NAIP: variants seen among roughly 807,000 people sequenced by gnomAD.
NAIP encodes the protein baculoviral IAP repeat-containing protein 1.
NAIP carries 15 observed loss-of-function variants against 23.0 expected under a neutral mutation model. The ratio of observed to expected loss-of-function variants is 0.65; its 90% CI spans 0.44 to 1.00. The LOEUF is 1.00. NAIP is among the 50% of genes least tolerant of loss of function. NAIP has a pLI of 0.00. For synonymous variants in NAIP, 100 were observed against 100.2 expected, an observed-to-expected ratio of 1.00 and a Z score of 0.01; for missense variants, 265 against 278.8, an observed-to-expected ratio of 0.95 and a Z score of 0.35.
At chr5:71,015,289 G>A (rs1247168436) in intron 3 of NAIP, among the ~76,000 whole-genome samples, 1 of 150,864 alleles carries the variant, frequency 6.6e-6, no homozygotes, top group Non-Finnish European at 1.5e-5. Context: ...AGAGGCAGAA[G>A]GATCACTTGA....
intron 3 of NAIP, among the ~76,000 whole-genome samples, chr5:71,013,370 G>A (rs1751261924): frequency 6.6e-6 from 1 of 151,090 alleles, no homozygotes. Context: ...CGGGCGCGGT[G>A]GCTCACGCCT....
chr5:71,009,299 T>C (rs1286399592), intron 5 of NAIP, among the ~76,000 whole-genome samples: 1 of 135,322 alleles, frequency 7.4e-6, no homozygotes, highest in East Asian at 2.2e-4. Context: ...TGCAGTGAGC[T>C]GAGATTGCAC....
chr5:70,997,114 G>A (rs1750715832), intron 9 of NAIP, among the ~76,000 whole-genome samples: 1 of 35,046 alleles, frequency 2.9e-5, no homozygotes, highest in Non-Finnish European at 8.5e-5. Context: ...AATGGTGCAA[G>A]CACTGTGGAA....
intron 3 of NAIP, among the ~76,000 whole-genome samples, chr5:71,013,571 T>C (rs1219706484): frequency 3.6e-5 from 5 of 138,718 alleles, no homozygotes; most frequent in Admixed American, 7.8e-5. Flanking sequence ...ACCCAGGAGG[T>C]GGAGCTTGCA....
intron 12 of NAIP, among the ~76,000 whole-genome samples, chr5:70,981,005 AT>A (rs1750532942): frequency 8.2e-6 from 1 of 121,946 alleles, no homozygotes; most frequent in African/African-American, 4.4e-5. Context: ...AACAACAACA[AT>A]TTTTAAATGA....
In NAIP at chr5:71,015,125, C is replaced by T. The variant is rs572614415; in HGVS notation, c.-3-2207G>A. Among the ~76,000 whole-genome samples, 10 of 151,602 alleles carry T rather than the reference C, an allele frequency of 6.6e-5. 1 individual carries two copies. The South Asian group carries it at 2.1e-3, about 32-fold the overall frequency. ...AGTGTGGAGGCTCACACCTGTAATC[C>T]CAGCATTTTGGGAGGCCAAGGTGGG... On this transcript the variant is annotated intron_variant, in intron 3 of 16. Coordinates refer to ENST00000517649, the MANE Select transcript of NAIP (RefSeq NM_004536.3).
intron 6 of NAIP, chr5:71,002,936 C>T (rs1271102909): frequency 6.5e-4 from 23 of 35,356 alleles, no homozygotes; most frequent in South Asian, 9.6e-4. Context: ...AGAATTATTC[C>T]TTTAATTTTT....
At chr5:71,013,804 G>T (rs1042928108) in intron 3 of NAIP, among the ~76,000 whole-genome samples, 1 of 151,362 alleles carries the variant, frequency 6.6e-6, no homozygotes, top group Non-Finnish European at 1.5e-5. Context: ...GCGTGAGTCG[G>T]TTGCTGACAT....
At chr5:71,010,065 C>T (rs1042791692) in intron 5 of NAIP, among the ~76,000 whole-genome samples, 10 of 151,506 alleles carry the variant, frequency 6.6e-5, no homozygotes, top group Admixed American at 5.9e-4. Flanking sequence ...TTTTACCTTC[C>T]AGCATACACC....
intron 9 of NAIP, among the ~76,000 whole-genome samples, chr5:70,989,399 AG>A (rs1483703074): frequency 1.5e-5 from 2 of 134,198 alleles, no homozygotes; most frequent in Non-Finnish European, 3.0e-5. Flanking sequence ...ATTAGCTAGC[AG>A]GGTGGCATGC....
intron 9 of NAIP, among the ~76,000 whole-genome samples, chr5:70,989,832 T>A: frequency 4.6e-5 from 1 of 21,638 alleles, no homozygotes; most frequent in Non-Finnish European, 7.1e-5. Flanking sequence ...TTTTTTTTTT[T>A]TTTTTTTTTT....
At chr5:71,012,182 C>A (rs1561517448) in intron 4 of NAIP, among the ~76,000 whole-genome samples, 166 bp downstream of exon 4, 1 of 151,436 alleles carries the variant, frequency 6.6e-6, no homozygotes, top group Non-Finnish European at 1.5e-5. Context: ...GAAAATGAAG[C>A]AAAAATAAAA....
At chr5:71,016,611 GAAC>G (rs1580942535) in intron 3 of NAIP, among the ~76,000 whole-genome samples, 1 of 143,322 alleles carries the variant, frequency 7.0e-6, no homozygotes, top group South Asian at 2.2e-4. Flanking sequence ...AAAATAAAAA[GAAC>G]AACAAAAAAA....
chr5:70,978,132 T>C (rs1483777246), intron 13 of NAIP, among the ~76,000 whole-genome samples: 3,988 of 36,544 alleles, frequency 0.11, 21 homozygotes, highest in African/African-American at 0.27. Context: ...CACACACACA[T>C]ATATATATAT....
intron 3 of NAIP, among the ~76,000 whole-genome samples, chr5:71,017,495 G>C (rs1220494544): frequency 8.6e-6 from 1 of 116,684 alleles, no homozygotes; most frequent in East Asian, 2.1e-4. Context: ...CCAGCACTTT[G>C]GGAGGCTAAG....
intron 5 of NAIP, among the ~76,000 whole-genome samples, chr5:71,007,651 T>TA (rs1442235100): frequency 6.7e-6 from 1 of 148,900 alleles, no homozygotes; most frequent in Non-Finnish European, 1.5e-5. Context: ...ACACTGCACT[T>TA]ATTGTGCATA....
chr5:71,011,457 C>CTTGTCTTGCTCCTG, intron 4 of NAIP, 83 bp from the exon 5 acceptor site: 2 of 1,155,432 alleles, frequency 1.7e-6, no homozygotes, highest in Non-Finnish European at 2.5e-6. Flanking sequence ...TGTTCAGGAG[C>CTTGTCTTGCTCCTG]AAGACAAGCT....
chr5:71,011,294 G>C lies in NAIP; in HGVS notation c.649C>G (p.His217Asp), dbSNP rs1751143248. 6.2e-7 allele frequency: 1 copy of C among 1,601,004 alleles called. No homozygotes were observed. Among genetic ancestry groups the C allele is most frequent in the African/African-American group, 1.3e-5 (1 of 74,144 alleles). The change falls in exon 5 of 17, where the codon CAT becomes GAT. Residue 217 changes from histidine (H) to aspartate (D), a missense_variant. By Grantham distance (81) the His-to-Asp change is moderately conservative. Coordinates refer to ENST00000517649, the MANE Select transcript of NAIP (RefSeq NM_004536.3). ...WEEGDDPWKE[H>D]AKWFPKCEFL... ...ACTTACTTGGGGAACCATTTGGCAT[G>C]TTCCTTCCAAGGATCATCTCCTTCT...
intron 5 of NAIP, among the ~76,000 whole-genome samples, chr5:71,008,054 G>A (rs1196284919): frequency 1.2e-3 from 150 of 122,314 alleles, no homozygotes; most frequent in African/African-American, 4.5e-3. Flanking sequence ...GTGAGCCACT[G>A]TGCCCAGCCT....
Sources: gnomAD v4.1 joint callset for allele counts (sites outside exome capture counted in the v4.1 genomes callset) on GRCh38, gnomAD v4.1.1 for gene constraint, MANE v1.5 for transcripts, NCBI Gene and HGNC (gene_info 2026-07-23, HGNC 2026-07-21) for gene names.